The following RBMS3 variants were observed in gnomAD, a reference collection of about 807,000 sequenced individuals.
The protein encoded by RBMS3 is RNA-binding motif, single-stranded-interacting protein 3.
RBMS3 carries 27 observed loss-of-function variants against 66.8 expected under a neutral mutation model. The observed-to-expected ratio is 0.40, with a 90% CI of 0.30 to 0.56. RBMS3 has a LOEUF of 0.56. Ranked by LOEUF, RBMS3 falls within the 20% of genes least tolerant of loss-of-function variation. RBMS3 has a pLI of 0.40. For missense variants in RBMS3, 513 were observed against 549.5 expected (o/e 0.93, Z 0.66); for synonymous variants, 188 against 183.0 (o/e 1.03, Z -0.22).
chr3:29,683,573 G>C (rs1265456802), intron 4 of RBMS3, among the ~76,000 whole-genome samples: 3 of 152,012 alleles, frequency 2.0e-5, no homozygotes, highest in African/African-American at 7.2e-5. Flanking sequence ...CTCCTGGCTA[G>C]AAATATATAG....
intron 6 of RBMS3, among the ~76,000 whole-genome samples, chr3:29,829,574 G>C (rs1484882463): frequency 6.6e-6 from 1 of 152,134 alleles, no homozygotes; most frequent in Non-Finnish European, 1.5e-5. Context: ...TTGTGAAATA[G>C]CTGAAGCAGA....
chr3:29,434,682 T>C, intron 1 of RBMS3, 61 bp from the exon 2 acceptor site: 2 of 1,564,684 alleles, frequency 1.3e-6, no homozygotes, highest in Non-Finnish European at 1.7e-6. Flanking sequence ...CAAGTTGTGC[T>C]GCTGGCCTGT....
chr3:29,383,843 A>G (rs1273679135), intron 1 of RBMS3, among the ~76,000 whole-genome samples: 3 of 152,214 alleles, frequency 2.0e-5, no homozygotes, highest in African/African-American at 7.2e-5. Context: ...CTTTAGCTGT[A>G]AAATGTGGGC....
At chr3:29,355,206 C>T (rs1215057933) in intron 1 of RBMS3, among the ~76,000 whole-genome samples, 1 of 152,052 alleles carries the variant, frequency 6.6e-6, no homozygotes, top group Admixed American at 6.6e-5. Flanking sequence ...TATCTTGTGT[C>T]ATCATAATGC....
At chr3:29,956,689 C>T (rs901993116) in intron 12 of RBMS3, among the ~76,000 whole-genome samples, 1 of 152,116 alleles carries the variant, frequency 6.6e-6, no homozygotes. Flanking sequence ...TAGGTAACTG[C>T]CATCCTTTGG....
At chr3:29,811,798 CT>C (rs1253238426) in intron 6 of RBMS3, among the ~76,000 whole-genome samples, 3 of 152,114 alleles carry the variant, frequency 2.0e-5, no homozygotes. Flanking sequence ...CAAAAATGTT[CT>C]TTTTTTCTCA....
chr3:29,999,952 A>G (rs1699506188), intron 14 of RBMS3, among the ~76,000 whole-genome samples: 1 of 151,730 alleles, frequency 6.6e-6, no homozygotes, highest in Admixed American at 6.6e-5. Context: ...AACCATAAAA[A>G]CCCTAGAAGA....
chr3:29,813,911 T>C (rs932788344), intron 6 of RBMS3, among the ~76,000 whole-genome samples: 1 of 152,150 alleles, frequency 6.6e-6, no homozygotes, highest in Non-Finnish European at 1.5e-5. Context: ...AGATATACAA[T>C]CATGTCGTCT....
intron 13 of RBMS3, among the ~76,000 whole-genome samples, chr3:29,989,685 A>G (rs1371329234): frequency 1.3e-5 from 2 of 152,246 alleles, no homozygotes; most frequent in African/African-American, 4.8e-5. Context: ...AGGAGTTCCA[A>G]TGTTTAAATC....
chr3:29,990,578 A>C (rs931349614), intron 13 of RBMS3, among the ~76,000 whole-genome samples: 1 of 152,200 alleles, frequency 6.6e-6, no homozygotes, highest in African/African-American at 2.4e-5. Flanking sequence ...ACCAGAAAAC[A>C]AAACAAATCA....
chr3:29,638,244 T>TA (rs397933599), intron 4 of RBMS3, among the ~76,000 whole-genome samples: 22 of 151,688 alleles, frequency 1.5e-4, no homozygotes, highest in African/African-American at 5.3e-4. Flanking sequence ...TTTTTTTTTT[T>TA]ACATATTGTA....
At chr3:29,644,900 C>T (rs373903437) in intron 4 of RBMS3, among the ~76,000 whole-genome samples, 2 of 152,156 alleles carry the variant, frequency 1.3e-5, no homozygotes, top group African/African-American at 4.8e-5. Flanking sequence ...CATCAACTTA[C>T]ATAACATCTT....
At chr3:29,963,393 A>G (rs1478929468) in intron 12 of RBMS3, among the ~76,000 whole-genome samples, 1 of 152,228 alleles carries the variant, frequency 6.6e-6, no homozygotes, top group Non-Finnish European at 1.5e-5. Context: ...TGAAAGTTTG[A>G]AAGGATCCTA....
Position 29,773,625 on chromosome 3 carries a change from C to T in RBMS3, c.637+10636C>T, listed in dbSNP as rs138301782. ...TTATTAGAGCAAATGTTAGTGCTCCCGGAGTGTTTGCCCGTGGCCATCAAC... is the reference window on the plus strand; with the variant it reads ...TTATTAGAGCAAATGTTAGTGCTCCTGGAGTGTTTGCCCGTGGCCATCAAC... On this transcript the variant is annotated intron_variant, in intron 6 of 14. Coordinates refer to ENST00000383767, the MANE Select transcript of RBMS3 (RefSeq NM_001003793.3). Among the ~76,000 whole-genome samples the T allele has an allele frequency of 5.3e-3, 806 of 152,104 alleles. 10 individuals carry two copies. Among genetic ancestry groups the T allele is most frequent in the South Asian group, 0.02 (97 of 4,828 alleles).
At chr3:29,878,600 G>A (rs1472890039) in intron 7 of RBMS3, among the ~76,000 whole-genome samples, 1 of 151,956 alleles carries the variant, frequency 6.6e-6, no homozygotes, top group Non-Finnish European at 1.5e-5. Flanking sequence ...ACATTTTCAA[G>A]CTTACTTCTG....
rs142227972 is a variant in RBMS3 at position 29,674,050 on chromosome 3, C to T, written c.400-65670C>T. 3.4e-4 allele frequency among the ~76,000 whole-genome samples: 52 copies of T among 152,274 alleles called. 1 individual carries two copies. The Middle Eastern group carries it at 0.02, about 60-fold the overall frequency. The stretch of plus-strand genomic sequence containing the variant: ...TCCAGCAGCACATCAGAAAGCTTAT[C>T]CATCATGATCAAGTGGGCTTTATTC... On this transcript the variant is annotated intron_variant, in intron 4 of 14. Coordinates refer to ENST00000383767, the MANE Select transcript of RBMS3 (RefSeq NM_001003793.3).
intron 6 of RBMS3, among the ~76,000 whole-genome samples, chr3:29,807,194 AG>A (rs1195609552): frequency 1.3e-5 from 2 of 151,970 alleles, no homozygotes; most frequent in Non-Finnish European, 2.9e-5. Context: ...TAAAACTGTC[AG>A]TATCAAGATT....
rs2035555301 is a variant in RBMS3, at chr3:29,329,890, T to TAATTAATATATATATTAATATAACTATAG, written c.75+48160_75+48188dup. Among the ~76,000 whole-genome samples the TAATTAATATATATATTAATATAACTATAG allele has an allele frequency of 6.8e-5, 10 of 147,822 alleles. No homozygotes were observed. The South Asian group carries it at 1.9e-3, about 28-fold the overall frequency. On this transcript the variant is annotated intron_variant, in intron 1 of 14. Transcript: ENST00000383767. The stretch of plus-strand genomic sequence containing the variant: ...TATAATACATATTAATATAACTATA[T>TAATTAATATATATATTAATATAACTATAG]AATTAATATATATATTAATATAACT...
chr3:29,697,422 C>T (rs2052329558), intron 4 of RBMS3, among the ~76,000 whole-genome samples: 1 of 152,166 alleles, frequency 6.6e-6, no homozygotes, highest in South Asian at 2.1e-4. Flanking sequence ...CAGAACTTCA[C>T]CCGGTTTACT....
Sources: allele counts gnomAD v4.1 joint callset (sites outside exome capture counted in the v4.1 genomes callset), GRCh38; gene constraint gnomAD v4.1.1; transcripts MANE v1.5; gene names NCBI Gene and HGNC (gene_info 2026-07-23, HGNC 2026-07-21).